The following SHANK2 variants were observed in gnomAD, a reference collection of about 807,000 sequenced individuals.
The protein encoded by SHANK2 is SH3 and multiple ankyrin repeat domains protein 2.
SHANK2 carries 43 observed loss-of-function variants against 133.7 expected under a neutral mutation model. The observed-to-expected ratio is 0.32, with a 90% confidence interval of 0.25 to 0.41. The LOEUF is 0.41. Among genes scored for constraint, SHANK2 ranks in the 10% least tolerant of loss-of-function variants. The probability of loss-of-function intolerance (pLI) is 1.00; values close to 1 mark genes in which losing one functional copy is unlikely to be tolerated. For missense variants in SHANK2, 1,994 were observed against 2,235.8 expected, an observed-to-expected ratio of 0.89 and a Z score of 2.18; for synonymous variants, 1,017 against 952.8, an observed-to-expected ratio of 1.07 and a Z score of -1.24.
intron 11 of SHANK2, among the ~76,000 whole-genome samples, chr11:70,878,160 A>AGAT (rs1366722743): frequency 6.6e-6 from 1 of 152,202 alleles, no homozygotes; most frequent in Non-Finnish European, 1.5e-5. Context: ...TCAGCACTGC[A>AGAT]GAAGGCTGCC....
At chr11:70,716,354 G>A (rs1309061565) in intron 14 of SHANK2, among the ~76,000 whole-genome samples, 1 of 152,168 alleles carries the variant, frequency 6.6e-6, no homozygotes, top group Non-Finnish European at 1.5e-5. Flanking sequence ...ATGGGTGGGG[G>A]CGGGAGGATT....
At chr11:70,798,345 A>G in intron 14 of SHANK2, 98 bp downstream of exon 14, 2 of 696,116 alleles carry the variant, frequency 2.9e-6, no homozygotes, top group Non-Finnish European at 5.3e-6. Context: ...GCCTCCCTCT[A>G]CGACGCAACG....
chr11:70,629,189 C>T (rs782038963), intron 17 of SHANK2, among the ~76,000 whole-genome samples: 3 of 152,140 alleles, frequency 2.0e-5, no homozygotes, highest in Non-Finnish European at 4.4e-5. Flanking sequence ...GAGCCTGGCC[C>T]CTCCTTCCAT....
intron 14 of SHANK2, among the ~76,000 whole-genome samples, chr11:70,722,043 C>T (rs934733147): frequency 4.6e-5 from 7 of 152,232 alleles, no homozygotes; most frequent in Non-Finnish European, 7.3e-5. Context: ...TTTGTTTTCC[C>T]GTCCAGTGGC....
At chr11:70,836,621 C>T (rs1555060126) in intron 11 of SHANK2, among the ~76,000 whole-genome samples, 1 of 152,164 alleles carries the variant, frequency 6.6e-6, no homozygotes. Context: ...ACCGCCTGGG[C>T]ATTTGGTGCC....
rs142058169 is a variant in SHANK2 at position 71,183,227 on chromosome 11, G to A, written c.-12-35889C>T. Among the ~76,000 whole-genome samples, 380 of 152,260 alleles carry A rather than the reference G, an allele frequency of 2.5e-3. 1 individual carries two copies. Among genetic ancestry groups the A allele is most frequent in the African/African-American group, 8.8e-3 (365 of 41,548 alleles). On this transcript the variant is annotated intron_variant, in intron 2 of 25. Coordinates refer to ENST00000601538, the MANE Select transcript of SHANK2 (RefSeq NM_012309.5). The stretch of plus-strand genomic sequence containing the variant: ...CCTGGATCAGGTAGCAAATGTTCTC[G>A]TCCAAGTGATGGAGGGACAAGGGGC...
chr11:71,073,136 C>CTTTTCTTTTTTTTTTTTTTTTTTTTTTT (rs1951164763), intron 9 of SHANK2, among the ~76,000 whole-genome samples: 2 of 72,334 alleles, frequency 2.8e-5, no homozygotes, highest in Non-Finnish European at 6.9e-5. Flanking sequence ...TGTTTTTTTT[C>CTTTTCTTTTTTTTTTTTTTTTTTTTTTT]TTTTTCTTTT....
rs145437017 is a variant in SHANK2 at position 70,782,738 on chromosome 11, GAC to G, written c.1777+15703_1777+15704del. Among the ~76,000 whole-genome samples the G allele has an allele frequency of 1.9e-3, 283 of 152,316 alleles. 1 individual carries two copies. Among genetic ancestry groups the G allele is most frequent in the African/African-American group, 6.3e-3 (263 of 41,570 alleles). ...CCCAAACTGGCGCATGGCCAAAGAC[GAC>G]ACACAAACAGCCACCCAATACATGC... On this transcript the variant is annotated intron_variant, in intron 14 of 25. Coordinates refer to ENST00000601538, the MANE Select transcript of SHANK2 (RefSeq NM_012309.5).
At chr11:70,587,647 G>A (rs1199148827) in intron 17 of SHANK2, among the ~76,000 whole-genome samples, 3 of 150,642 alleles carry the variant, frequency 2.0e-5, no homozygotes, top group African/African-American at 7.3e-5. Flanking sequence ...TGGGGATACT[G>A]CATTTGTTAC....
intron 11 of SHANK2, among the ~76,000 whole-genome samples, chr11:70,828,733 C>T (rs1251365810): frequency 9.2e-5 from 14 of 152,152 alleles, no homozygotes; most frequent in East Asian, 1.9e-4. Context: ...CCACCGTGTC[C>T]GTATTGGTGT....
intron 2 of SHANK2, among the ~76,000 whole-genome samples, chr11:71,176,244 A>G (rs1043287069): frequency 3.9e-5 from 6 of 152,194 alleles, no homozygotes; most frequent in African/African-American, 1.2e-4. Flanking sequence ...TAAATTAACT[A>G]AATCCCGCCC....
rs1049210797 is a variant in SHANK2 at position 70,553,585 on chromosome 11, C to T, written c.2062-50654G>A. Among the ~76,000 whole-genome samples the T allele has an allele frequency of 1.4e-4, 22 of 152,240 alleles. No individual in the cohort carries two copies. The East Asian group carries it at 3.7e-3, about 26-fold the overall frequency. Reference sequence around the variant, plus strand: ...GCTCAGTCACTGGAACACTCAGCCACGTGAGGTGCAGGAGTGCAGTGGGAC... The same window carrying T: ...GCTCAGTCACTGGAACACTCAGCCATGTGAGGTGCAGGAGTGCAGTGGGAC... On this transcript the variant is annotated intron_variant, in intron 17 of 25. Transcript: ENST00000601538.
rs372607352 is a variant in SHANK2 at position 70,750,448 on chromosome 11, T to A, written c.1777+47995A>T. Among the ~76,000 whole-genome samples, 159 of 152,340 alleles carry A rather than the reference T, an allele frequency of 1.0e-3. 1 individual carries two copies. The highest frequency in any genetic ancestry group is 3.8e-3 in the African/African-American group (157 of 41,566). ...GCTGTGGTCCACACATGTGGAGGAA[T>A]CCCCATTGCTTTTGGCCTCTCTCTC... On this transcript the variant is annotated intron_variant, in intron 14 of 25. Transcript: ENST00000601538.
At chr11:70,626,247 T>C (rs2060904157) in intron 17 of SHANK2, among the ~76,000 whole-genome samples, 1 of 152,180 alleles carries the variant, frequency 6.6e-6, no homozygotes, top group South Asian at 2.1e-4. Context: ...ATTTCAAACG[T>C]TTTCTTTTAC....
intron 3 of SHANK2, among the ~76,000 whole-genome samples, chr11:71,132,318 G>C (rs1952328607): frequency 6.6e-6 from 1 of 152,188 alleles, no homozygotes; most frequent in Non-Finnish European, 1.5e-5. Flanking sequence ...CTGCGGCCCT[G>C]GTATTGCCAC....
rs1430360523 is a variant in SHANK2 at position 70,615,620 on chromosome 11, A to G, written c.2061+44208T>C. ...TGGCTCGGCCGAATCCCAGGCTTCT[A>G]TTGTCCCTTGCTGCATATCTGTAAG... is the stretch of plus-strand genomic sequence containing the variant. On this transcript the variant is annotated intron_variant, in intron 17 of 25. Coordinates refer to ENST00000601538, the MANE Select transcript of SHANK2 (RefSeq NM_012309.5). Among the ~76,000 whole-genome samples the G allele has an allele frequency of 5.9e-5, 9 of 152,216 alleles. No homozygotes were observed. In the East Asian group the frequency reaches 7.7e-4, roughly 13 times the overall value.
chr11:70,714,823 A>G (rs1555026920), intron 14 of SHANK2, among the ~76,000 whole-genome samples: 1 of 152,004 alleles, frequency 6.6e-6, no homozygotes, highest in African/African-American at 2.4e-5. Flanking sequence ...CTGTCTTATA[A>G]GAGACAGAAT....
intron 10 of SHANK2, among the ~76,000 whole-genome samples, chr11:70,918,017 G>GT (rs59714843): frequency 6.7e-6 from 1 of 150,158 alleles, no homozygotes; most frequent in African/African-American, 2.5e-5. Context: ...GAACTTAAAA[G>GT]TTTTTTTTTT....
chr11:70,801,572 T>C (rs2135240118), intron 13 of SHANK2, among the ~76,000 whole-genome samples: 1 of 152,318 alleles, frequency 6.6e-6, no homozygotes, highest in South Asian at 2.1e-4. Flanking sequence ...ACCCCATTGT[T>C]TGCTGATGCA....
Sources: gnomAD v4.1 joint callset for allele counts (sites outside exome capture counted in the v4.1 genomes callset) on GRCh38, gnomAD v4.1.1 for gene constraint, MANE v1.5 for transcripts, NCBI Gene and HGNC (gene_info 2026-07-23, HGNC 2026-07-21) for gene names.